The following TMC7 variants were observed in gnomAD, a reference collection of about 807,000 sequenced individuals.
TMC7 encodes transmembrane channel like 7.
A neutral mutation model predicts 82.9 loss-of-function variants in TMC7; 54 were observed. The ratio of observed to expected loss-of-function variants is 0.65; its 90% confidence interval spans 0.52 to 0.82. The LOEUF (loss-of-function observed/expected upper bound fraction) is 0.82, where lower values mean the gene tolerates loss of function less well. Among genes scored for constraint, TMC7 ranks in the 40% least tolerant of loss-of-function variants. TMC7 has a pLI of 0.00. For synonymous variants in TMC7, 350 were observed against 337.9 expected (o/e 1.04, Z -0.39); for missense variants, 820 against 901.2 (o/e 0.91, Z 1.15).
At chr16:19,055,206 T>C (rs1218232782) in intron 13 of TMC7, among the ~76,000 whole-genome samples, 1 of 152,218 alleles carries the variant, frequency 6.6e-6, no homozygotes, top group Non-Finnish European at 1.5e-5. Context: ...ATCATAATAT[T>C]TCACTGCTAA....
At chr16:19,035,876 C>T in intron 7 of TMC7, 53 bp downstream of exon 7, 2 of 1,519,238 alleles carry the variant, frequency 1.3e-6, no homozygotes, top group East Asian at 2.3e-5. Context: ...AAGGTCCTGC[C>T]TTTGGAGCCT....
intron 1 of TMC7, among the ~76,000 whole-genome samples, chr16:19,007,662 T>G (rs1321556338): frequency 6.7e-6 from 1 of 149,860 alleles, no homozygotes; most frequent in African/African-American, 2.5e-5. Context: ...AGAGCGAGAC[T>G]CCGTCTCAAA....
chr16:19,030,595 T>C (rs74940298), intron 6 of TMC7, among the ~76,000 whole-genome samples: 6 of 151,110 alleles, frequency 4.0e-5, no homozygotes, highest in East Asian at 3.9e-4. Flanking sequence ...TTTTTTTTTT[T>C]CCAGACAGAG....
intron 14 of TMC7, 97 bp from the exon 15 acceptor site, chr16:19,059,319 G>C: frequency 6.5e-7 from 1 of 1,544,838 alleles, no homozygotes; most frequent in Non-Finnish European, 8.7e-7. Flanking sequence ...TTTCTAACAA[G>C]AGTAAAACTG....
In TMC7 at chr16:19,031,959, C is replaced by T. The variant is rs116709252; in HGVS notation, c.857+1590C>T. Among the ~76,000 whole-genome samples the T allele has an allele frequency of 1.9e-3, 292 of 152,292 alleles. 1 individual carries two copies. The highest frequency in any genetic ancestry group is 6.8e-3 in the African/African-American group (283 of 41,558). On this transcript the variant is annotated intron_variant, in intron 6 of 15. Transcript: ENST00000304381. ...TACAGCTCAGTCACATGACTATAGC[C>T]AACTGCAAGGGAGGCCAGGAAACAT...
At chr16:19,047,697 A>G (rs1274985826) in intron 12 of TMC7, among the ~76,000 whole-genome samples, 2 of 105,944 alleles carry the variant, frequency 1.9e-5, no homozygotes, top group Admixed American at 2.3e-4. Context: ...GCCCGGCCGA[A>G]AAAGACTCTT....
rs1960957023 is a variant in TMC7 at position 19,040,369 on chromosome 16, C to G, written c.1260C>G (p.Ile420Met). The G allele has an allele frequency of 1.9e-6, 3 of 1,613,818 alleles. No homozygotes were observed. The highest frequency in any genetic ancestry group is 2.5e-6 in the Non-Finnish European group (3 of 1,179,964). The change falls in exon 9 of 16, where the codon ATC (isoleucine) becomes ATG (methionine). Residue 420 changes from isoleucine to methionine, a missense_variant. Transcript: ENST00000304381. The part of the protein sequence containing the change: ...PSIVITLANF[I>M]TPMIFAKIIR... Reference sequence around the variant, plus strand: ...TTGTGATCACGCTGGCCAATTTTATCACCCCAATGATCTTTGCCAAGATCA... The same window carrying G: ...TTGTGATCACGCTGGCCAATTTTATGACCCCAATGATCTTTGCCAAGATCA...
At chr16:19,000,069 C>G (rs916016298) in intron 1 of TMC7, among the ~76,000 whole-genome samples, 27 of 152,108 alleles carry the variant, frequency 1.8e-4, no homozygotes, top group African/African-American at 6.3e-4. Context: ...TGCGAGCCAC[C>G]ACGCCGGGCA....
At chr16:19,021,117 T>C (rs1239557222) in intron 3 of TMC7, among the ~76,000 whole-genome samples, 1 of 152,144 alleles carries the variant, frequency 6.6e-6, no homozygotes, top group East Asian at 1.9e-4. Context: ...AAAACACTAA[T>C]TCTAACATTT....
chr16:18,991,776 C>T (rs2038955876), intron 1 of TMC7, among the ~76,000 whole-genome samples: 2 of 152,082 alleles, frequency 1.3e-5, no homozygotes, highest in Admixed American at 1.3e-4. Flanking sequence ...TGATGTTCCC[C>T]TTTCTGTGTC....
At chr16:19,048,267 C>T (rs185032899) in intron 12 of TMC7, among the ~76,000 whole-genome samples, 34 of 151,908 alleles carry the variant, frequency 2.2e-4, no homozygotes, top group Admixed American at 1.2e-3. Flanking sequence ...TGAGCCACCC[C>T]GCCTGGACCA....
At chr16:18,998,384 C>T (rs35662553) in intron 1 of TMC7, among the ~76,000 whole-genome samples, 47,334 of 152,034 alleles carry the variant, frequency 0.31, 7,616 homozygotes, top group Non-Finnish European at 0.36. Context: ...AACTGCCAGG[C>T]CTTGCCACCT....
At chr16:18,984,196 G>T in intron 1 of TMC7, 66 bp downstream of exon 1, 1 of 1,412,960 alleles carries the variant, frequency 7.1e-7, no homozygotes, top group Non-Finnish European at 9.2e-7. Context: ...GGAGGGAGCC[G>T]GGTGCTGGAG....
chr16:19,030,362 G>A lies in TMC7; in HGVS notation c.850G>A (p.Val284Met). ...ASLALSLLWI[V>M]KRSVEGFKIN... Reference sequence around the variant, plus strand: ...CCTGGCCCTGAGCCTTCTTTGGATAGTGAAAAGGTAAAGTCTGCCTTTGCA... The same window carrying A: ...CCTGGCCCTGAGCCTTCTTTGGATAATGAAAAGGTAAAGTCTGCCTTTGCA... Residue 284 changes from valine (V) to methionine (M), a missense_variant, in exon 6 of 16, where the codon GTG becomes ATG. Around this residue, in one of 2 missense-constraint regions of TMC7, gnomAD observed 650 missense variants for 669.9 expected, o/e 0.97. Transcript: ENST00000304381. 1 of 1,609,632 alleles carries A rather than the reference G, an allele frequency of 6.2e-7. No homozygotes were observed. Among genetic ancestry groups the A allele is most frequent in the South Asian group, 1.1e-5 (1 of 90,252 alleles).
intron 14 of TMC7, 49 bp from the exon 15 acceptor site, chr16:19,059,367 C>A: frequency 6.3e-7 from 1 of 1,593,552 alleles, no homozygotes; most frequent in African/African-American, 1.3e-5. Context: ...TTTCTATTGG[C>A]CTTCAGATGA....
intron 1 of TMC7, among the ~76,000 whole-genome samples, chr16:18,997,998 C>G (rs2039074288): frequency 6.6e-6 from 1 of 152,080 alleles, no homozygotes; most frequent in South Asian, 2.1e-4. Flanking sequence ...TCCCAAAATG[C>G]TGGGATTACA....
At chr16:19,061,320 T>C (rs1192252633) in intron 15 of TMC7, among the ~76,000 whole-genome samples, 4 of 147,098 alleles carry the variant, frequency 2.7e-5, no homozygotes, top group African/African-American at 1.0e-4. Flanking sequence ...GCCTAATTTT[T>C]GTATTTTTAG....
At chr16:19,000,736 G>A (rs984050843) in intron 1 of TMC7, among the ~76,000 whole-genome samples, 4 of 152,144 alleles carry the variant, frequency 2.6e-5, no homozygotes, top group South Asian at 2.1e-4. Context: ...AATTATTTTT[G>A]TTCCAGGTAC....
chr16:19,038,391 C>T (rs1020370815), intron 8 of TMC7, among the ~76,000 whole-genome samples: 3 of 151,622 alleles, frequency 2.0e-5, no homozygotes, highest in Non-Finnish European at 4.4e-5. Context: ...GACTGGGTTT[C>T]TCCATGTTGA....
Sources: allele counts gnomAD v4.1 joint callset (sites outside exome capture counted in the v4.1 genomes callset), GRCh38; gene constraint gnomAD v4.1.1; regional missense constraint gnomAD v4.1.1; transcripts MANE v1.5; gene names NCBI Gene and HGNC (gene_info 2026-07-23, HGNC 2026-07-21).